CACNA1E: variants seen among roughly 807,000 people sequenced by gnomAD.
CACNA1E encodes the protein voltage-dependent R-type calcium channel subunit alpha-1E.
CACNA1E carries 40 observed loss-of-function variants against 259.2 expected under a neutral mutation model. The observed-to-expected ratio is 0.15, with a 90% CI of 0.12 to 0.20. The LOEUF is 0.20. Ranked by LOEUF, CACNA1E falls within the 10% of genes least tolerant of loss-of-function variation. The pLI, the probability that CACNA1E is intolerant of heterozygous loss-of-function variation, is 1.00. For missense variants in CACNA1E, 1,874 were observed against 3,040.1 expected (o/e 0.62, Z 9.02); for synonymous variants, 1,104 against 1,138.5 (o/e 0.97, Z 0.61).
At chr1:181,578,205 C>T (rs1308956929) in intron 4 of CACNA1E, among the ~76,000 whole-genome samples, 6 of 152,046 alleles carry the variant, frequency 3.9e-5, no homozygotes, top group South Asian at 2.1e-4. Flanking sequence ...TAATTGAAAT[C>T]GTTATGTAGA....
At chr1:181,739,354 C>A in intron 25 of CACNA1E, 101 bp downstream of exon 25, 1 of 818,020 alleles carries the variant, frequency 1.2e-6, no homozygotes, top group Admixed American at 2.0e-5. Context: ...CAGGGTGATG[C>A]CAAAGAATGC....
At chr1:181,500,098 C>T (rs1291061334) in intron 1 of CACNA1E, among the ~76,000 whole-genome samples, 1 of 152,208 alleles carries the variant, frequency 6.6e-6, no homozygotes, top group Non-Finnish European at 1.5e-5. Flanking sequence ...ATCCTGAATG[C>T]AGGTCTGGCT....
intron 7 of CACNA1E, among the ~76,000 whole-genome samples, chr1:181,677,925 C>A (rs1225268090): frequency 1.3e-5 from 2 of 152,062 alleles, no homozygotes; most frequent in Non-Finnish European, 2.9e-5. Context: ...GTGGTGGGAA[C>A]ATCATTGGTT....
At chr1:181,457,489 C>A (rs189241133) in intron 2 of CACNA1E, among the ~76,000 whole-genome samples, 1 of 152,208 alleles carries the variant, frequency 6.6e-6, no homozygotes. Context: ...GTGACTCCCG[C>A]GTTGGTGACA....
At chr1:181,586,147 G>C (rs1159690320) in intron 6 of CACNA1E, among the ~76,000 whole-genome samples, 1 of 152,150 alleles carries the variant, frequency 6.6e-6, no homozygotes. Context: ...GGGATTCTTC[G>C]ATGGATTGAA....
intron 2 of CACNA1E, among the ~76,000 whole-genome samples, chr1:181,414,143 T>C (rs959823456): frequency 6.6e-6 from 1 of 152,224 alleles, no homozygotes. Context: ...AATTTTGGCT[T>C]TTTCTTCTTA....
chr1:181,495,144 T>C (rs1203476665), intron 1 of CACNA1E, among the ~76,000 whole-genome samples: 1 of 152,204 alleles, frequency 6.6e-6, no homozygotes, highest in Non-Finnish European at 1.5e-5. Context: ...TCTTAGACAA[T>C]AAAAGTGTTG....
chr1:181,427,158 C>T (rs535401118), intron 2 of CACNA1E, among the ~76,000 whole-genome samples: 1 of 151,900 alleles, frequency 6.6e-6, no homozygotes, highest in South Asian at 2.1e-4. Flanking sequence ...ACATCTCAAC[C>T]ACACTCATCT....
chr1:181,782,016 G>C (rs1211174100), intron 39 of CACNA1E, among the ~76,000 whole-genome samples: 4 of 152,176 alleles, frequency 2.6e-5, no homozygotes, highest in Non-Finnish European at 5.9e-5. Flanking sequence ...ATTTTTAGGA[G>C]AGAGGAAAAC....
rs144395878 is a variant in CACNA1E, at chr1:181,608,766, C to T, written c.951+27990C>T. 4.5e-3 allele frequency among the ~76,000 whole-genome samples: 690 copies of T among 152,310 alleles called. 6 individuals are homozygous for T. Among genetic ancestry groups the T allele is most frequent in the African/African-American group, 0.015 (625 of 41,550 alleles). ...AGTCATGTGCCAGGGCTTTGTGACC[C>T]GTGCTTTTCTGTTCTTTTCCTTGGG... On this transcript the variant is annotated intron_variant, in intron 6 of 47. Transcript: ENST00000367573.
At chr1:181,714,722 C>G (rs1272348531) in intron 8 of CACNA1E, among the ~76,000 whole-genome samples, 1 of 152,148 alleles carries the variant, frequency 6.6e-6, no homozygotes, top group Non-Finnish European at 1.5e-5. Flanking sequence ...ATCTTAGGGA[C>G]AAATTCATGA....
At position 181,397,393 on chromosome 1, in the gene CACNA1E, C is replaced by T. The variant is rs187023458; in HGVS notation, c.-14-15740C>T. ...TTAGCTCACTGCAACCTCCACCTACCGGGTTCAAGTGATTCTCCTGCCTCA... is the reference window on the plus strand; with the variant it reads ...TTAGCTCACTGCAACCTCCACCTACTGGGTTCAAGTGATTCTCCTGCCTCA... On this transcript the variant is annotated intron_variant, in intron 1 of 11. Coordinates refer to the CACNA1E transcript ENST00000524607. 1.8e-4 allele frequency among the ~76,000 whole-genome samples: 27 copies of T among 152,264 alleles called. 1 individual carries two copies. In the East Asian group the frequency reaches 3.3e-3, roughly 19 times the overall value.
chr1:181,385,547 G>T (rs1010039991), intron 1 of CACNA1E, among the ~76,000 whole-genome samples: 1 of 152,204 alleles, frequency 6.6e-6, no homozygotes, highest in Non-Finnish European at 1.5e-5. Flanking sequence ...ATGGGGAGAT[G>T]ATTGTTCTAG....
At chr1:181,359,713 TC>T (rs1461728967) in intron 1 of CACNA1E, among the ~76,000 whole-genome samples, 3 of 152,244 alleles carry the variant, frequency 2.0e-5, no homozygotes, top group African/African-American at 7.2e-5. Flanking sequence ...CTGAGACGTT[TC>T]TAAGATTAAA....
At chr1:181,422,766 C>A (rs1198396834) in intron 2 of CACNA1E, among the ~76,000 whole-genome samples, 4 of 152,128 alleles carry the variant, frequency 2.6e-5, no homozygotes, top group Non-Finnish European at 4.4e-5. Context: ...CCTTCAGGAG[C>A]CTGTCACTTG....
rs529017238 is a variant in CACNA1E at position 181,335,148 on chromosome 1, T to C, written c.-15+17025T>C. Among the ~76,000 whole-genome samples the C allele has an allele frequency of 3.3e-5, 5 of 152,324 alleles. No individual in the cohort carries two copies. The South Asian group carries it at 1.0e-3, about 32-fold the overall frequency. ...ATCAGTGAGGCCTTCCCTGATCACATTGCTATTCCTACCAACCCTGCCCTC... is the reference window on the plus strand; with the variant it reads ...ATCAGTGAGGCCTTCCCTGATCACACTGCTATTCCTACCAACCCTGCCCTC... On this transcript the variant is annotated intron_variant, in intron 1 of 11. Transcript: ENST00000524607.
intron 6 of CACNA1E, among the ~76,000 whole-genome samples, chr1:181,640,083 A>T (rs189459185): frequency 6.6e-6 from 1 of 152,324 alleles, no homozygotes; most frequent in East Asian, 1.9e-4. Flanking sequence ...TCTATAAATA[A>T]CAATTATATG....
intron 2 of CACNA1E, among the ~76,000 whole-genome samples, chr1:181,435,200 C>T (rs955176201): frequency 2.0e-5 from 3 of 152,166 alleles, no homozygotes; most frequent in Admixed American, 6.5e-5. Context: ...AAATGTTTAC[C>T]AGCACACCAC....
rs375056155 is a variant in CACNA1E, at chr1:181,732,898, C to T, written c.2812C>T (p.Arg938Trp). 43 of 1,613,998 alleles carry T rather than the reference C, an allele frequency of 2.7e-5. No individual in the cohort carries two copies. The East Asian group carries it at 4.5e-4, about 17-fold the overall frequency. The change falls in exon 20 of 48, where the codon CGG (arginine) becomes TGG (tryptophan). Residue 938 changes from arginine (R) to tryptophan (W), a missense_variant. Arg to Trp is a moderately radical substitution (Grantham distance 101). Around this residue, in one of 14 missense-constraint regions of CACNA1E, gnomAD observed 476 missense variants for 514.0 expected, o/e 0.93. Coordinates refer to ENST00000367573, the MANE Select transcript of CACNA1E (RefSeq NM_001205293.3). The surrounding 1 kb of genome is among the most constrained non-coding windows in gnomAD (Gnocchi z 5.5). ...AGGCAAGGAGTCCTCTTCAGCCTCC[C>T]GGAGCAGGTCTGCCAGCCAGGAACG... ...TEGKESSSAS[R>W]SRSASQERSL...
Sources: allele counts gnomAD v4.1 joint callset (sites outside exome capture counted in the v4.1 genomes callset), GRCh38; gene constraint gnomAD v4.1.1; regional missense constraint gnomAD v4.1.1; non-coding constraint Gnocchi (gnomAD v3.1); transcripts MANE v1.5; gene names NCBI Gene and HGNC (gene_info 2026-07-23, HGNC 2026-07-21).